The following PNPLA7 variants were observed in gnomAD, a reference collection of about 807,000 sequenced individuals.
PNPLA7 encodes patatin-like phospholipase domain-containing protein 7.
In PNPLA7, 153 loss-of-function variants were observed where a neutral mutation model predicts 161.7. The ratio of observed to expected loss-of-function variants is 0.95; its 90% CI spans 0.83 to 1.08. The LOEUF (loss-of-function observed/expected upper bound fraction) is 1.08. PNPLA7 is among the 50% of genes least tolerant of loss of function. PNPLA7 has a pLI of 0.00. For missense variants in PNPLA7, 1,739 were observed against 1,856.6 expected (o/e 0.94, Z 1.16); for synonymous variants, 809 against 782.1 (o/e 1.03, Z -0.57).
At chr9:137,508,267 A>G (rs1278439577) in intron 12 of PNPLA7, among the ~76,000 whole-genome samples, 1 of 152,176 alleles carries the variant, frequency 6.6e-6, no homozygotes, top group Non-Finnish European at 1.5e-5. Context: ...CTAGATAGCC[A>G]TTTAGAAAAG....
At chr9:137,462,917 G>A (rs1831288938) in intron 29 of PNPLA7, 84 bp from the exon 30 acceptor site, 2 of 1,561,426 alleles carry the variant, frequency 1.3e-6, no homozygotes, top group Non-Finnish European at 1.7e-6. Context: ...TCCGAGCCCT[G>A]ACGTGGGGGT....
chr9:137,546,407 G>A (rs1228475839), intron 4 of PNPLA7, among the ~76,000 whole-genome samples: 2 of 151,930 alleles, frequency 1.3e-5, no homozygotes, highest in African/African-American at 4.8e-5. Flanking sequence ...GGACCCAGCT[G>A]TCTTTTCTTT....
intron 21 of PNPLA7, among the ~76,000 whole-genome samples, chr9:137,481,464 C>T (rs953526956): frequency 1.3e-5 from 2 of 152,172 alleles, no homozygotes; most frequent in Admixed American, 6.5e-5. Flanking sequence ...CATGCCTGTT[C>T]GTATGCATCT....
rs1229795811 is a variant in PNPLA7, at chr9:137,499,713, C to T, written c.1757+978G>A. On this transcript the variant is annotated intron_variant, in intron 16 of 34. Coordinates refer to ENST00000406427, the MANE Select transcript of PNPLA7 (RefSeq NM_001098537.3). This position sits in a 1 kb window ranked among gnomAD's most constrained non-coding sequence, Gnocchi z 5.5. ...GCTGCCCCCACCCCTGCCCCTTGCC[C>T]GGCTCGGGGTCCCCAGGCTGAAGCA... Among the ~76,000 whole-genome samples the T allele has an allele frequency of 5.9e-5, 9 of 152,380 alleles. No individual in the cohort carries two copies. Among genetic ancestry groups the T allele is most frequent in the South Asian group, 2.1e-4 (1 of 4,832 alleles).
chr9:137,499,949 A>G lies in PNPLA7; in HGVS notation c.1757+742T>C, dbSNP rs1833288197. Among the ~76,000 whole-genome samples the G allele has an allele frequency of 6.6e-6, 1 of 152,214 alleles. No individual in the cohort carries two copies. On this transcript the variant is annotated intron_variant, in intron 16 of 34. Transcript: ENST00000406427. The surrounding 1 kb of genome is among the most constrained non-coding windows in gnomAD (Gnocchi z 5.5). ...CAGAAAACACACACAGAACGGCTCA[A>G]GCCACCAGAGGCGAGAGCTGGGGTT...
chr9:137,543,581 CAG>C lies in PNPLA7; in HGVS notation c.366-11_366-10del, dbSNP rs1836331763. On this transcript the variant is annotated splice_polypyrimidine_tract_variant and intron_variant, in intron 5 of 34. Transcript: ENST00000406427. This position sits in a 1 kb window ranked among gnomAD's most constrained non-coding sequence, Gnocchi z 6.9. The stretch of plus-strand genomic sequence containing the variant: ...TCTTGAAACGCAGAATCCTACAAGG[CAG>C]AGACACACTAGCCTTGAGCAGACCA... 6.2e-7 allele frequency: 1 copy of C among 1,609,510 alleles called. No individual in the cohort carries two copies. Among genetic ancestry groups the C allele is most frequent in the East Asian group, 2.2e-5 (1 of 44,880 alleles).
At chr9:137,472,714 T>C (rs1831764097) in intron 25 of PNPLA7, among the ~76,000 whole-genome samples, 1 of 148,988 alleles carries the variant, frequency 6.7e-6, no homozygotes, top group Non-Finnish European at 1.5e-5. Context: ...TCCAGCACTT[T>C]GGGAGGCTGA....
At chr9:137,488,561 G>C (rs973425575) in intron 20 of PNPLA7, among the ~76,000 whole-genome samples, 1 of 152,136 alleles carries the variant, frequency 6.6e-6, no homozygotes, top group East Asian at 1.9e-4. Context: ...CGGGGACCTC[G>C]GACTCATGGA....
At chr9:137,482,110 C>G (rs1490912117) in intron 21 of PNPLA7, among the ~76,000 whole-genome samples, 1 of 152,256 alleles carries the variant, frequency 6.6e-6, no homozygotes, top group Non-Finnish European at 1.5e-5. Flanking sequence ...CGATGTGCAG[C>G]AGCCGAAACC....
chr9:137,460,652 G>C lies in PNPLA7; in HGVS notation c.3927C>G (p.Ala1309=). 1.2e-6 allele frequency: 2 copies of C among 1,612,718 alleles called. No homozygotes were observed. The highest frequency in any genetic ancestry group is 1.7e-6 in the Non-Finnish European group (2 of 1,179,866). The part of the protein sequence containing the change: ...DAYADFQSTS[A]QQGSDLEDES... ...TCCTCACCAAGTCTGAGCCCTGCTG[G>C]GCTGAGGTGCTCTGGAAGTCTGCGT... The change falls in exon 34 of 35, where the codon GCC becomes GCG. Residue 1309 remains alanine (A), a synonymous_variant. Coordinates refer to ENST00000406427, the MANE Select transcript of PNPLA7 (RefSeq NM_001098537.3).
intron 20 of PNPLA7, among the ~76,000 whole-genome samples, chr9:137,485,665 C>T (rs1378077058): frequency 6.6e-6 from 1 of 152,252 alleles, no homozygotes. Context: ...CAAGGAAGCA[C>T]AGCGCAGCCC....
intron 19 of PNPLA7, among the ~76,000 whole-genome samples, chr9:137,494,133 T>C (rs1832912822): frequency 6.6e-6 from 1 of 152,154 alleles, no homozygotes; most frequent in African/African-American, 2.4e-5. Flanking sequence ...TGTTCTAGAA[T>C]GAAAAACTTC....
chr9:137,460,917 G>A (rs553248167), intron 33 of PNPLA7, 180 bp from the exon 34 acceptor site: 1 of 590,916 alleles, frequency 1.7e-6, no homozygotes, highest in Non-Finnish European at 3.0e-6. Context: ...GGTTCTGTCT[G>A]GCTCCAGCTT....
intron 12 of PNPLA7, among the ~76,000 whole-genome samples, chr9:137,510,098 C>T (rs1056488979): frequency 6.6e-6 from 1 of 152,182 alleles, no homozygotes; most frequent in Non-Finnish European, 1.5e-5. Flanking sequence ...GTGACGCCAG[C>T]GTCTGGGAAG....
At chr9:137,460,818 C>T (rs896664628) in intron 33 of PNPLA7, 81 bp from the exon 34 acceptor site, 18 of 1,334,480 alleles carry the variant, frequency 1.3e-5, no homozygotes, top group East Asian at 4.8e-5. Flanking sequence ...GAGGCAGAAC[C>T]GGCCACAGAT....
At chr9:137,504,455 A>G (rs950620227) in intron 14 of PNPLA7, among the ~76,000 whole-genome samples, 1 of 152,102 alleles carries the variant, frequency 6.6e-6, no homozygotes, top group African/African-American at 2.4e-5. Flanking sequence ...CAGGTGATCC[A>G]CCTGCCTCGG....
intron 14 of PNPLA7, among the ~76,000 whole-genome samples, chr9:137,504,733 T>C (rs1232947004): frequency 6.6e-6 from 1 of 152,168 alleles, no homozygotes. Context: ...AGAGGAATGA[T>C]GTGAACTTAT....
At position 137,543,611 on chromosome 9, in the gene PNPLA7, C is replaced by T. The variant is rs770092148; in HGVS notation, c.366-39G>A. On this transcript the variant is annotated intron_variant, in intron 5 of 34. Coordinates refer to ENST00000406427, the MANE Select transcript of PNPLA7 (RefSeq NM_001098537.3). This position sits in a 1 kb window ranked among gnomAD's most constrained non-coding sequence, Gnocchi z 6.9. ...ACACACTAGCCTTGAGCAGACCAGG[C>T]GGGTTCGAAACCCACAGCATCAGTG... 15 of 1,605,062 alleles carry T rather than the reference C, an allele frequency of 9.3e-6. No individual in the cohort carries two copies. The highest frequency in any genetic ancestry group is 3.3e-4 in the Middle Eastern group (2 of 6,036).
In PNPLA7 at chr9:137,535,852, C is replaced by G. The variant is rs1007103127; in HGVS notation, c.747+4790G>C. ...ATTTGGAAAATAAAGTTGAAAAAAT[C>G]TAGAAAGTATAACAAAAAGGCTGGG... On this transcript the variant is annotated intron_variant, in intron 8 of 34. Coordinates refer to ENST00000406427, the MANE Select transcript of PNPLA7 (RefSeq NM_001098537.3). Among the ~76,000 whole-genome samples, 6 of 151,292 alleles carry G rather than the reference C, an allele frequency of 4.0e-5. No individual in the cohort carries two copies. The East Asian group carries it at 5.9e-4, about 15-fold the overall frequency.
Sources: gnomAD v4.1 joint callset for allele counts (sites outside exome capture counted in the v4.1 genomes callset) on GRCh38, gnomAD v4.1.1 for gene constraint, Gnocchi (gnomAD v3.1) non-coding constraint, MANE v1.5 for transcripts, NCBI Gene and HGNC (gene_info 2026-07-23, HGNC 2026-07-21) for gene names.